Variants in CACNB4 observed in about 807,000 individuals in gnomAD.
CACNB4 encodes calcium voltage-gated channel auxiliary subunit beta 4.
CACNB4 carries 32 observed loss-of-function variants against 71.2 expected under a neutral mutation model. The ratio of observed to expected loss-of-function variants is 0.45; its 90% CI spans 0.34 to 0.60. The LOEUF is 0.60. CACNB4 is among the 20% of genes least tolerant of loss of function. The pLI is 0.01. For missense variants in CACNB4, 464 were observed against 647.9 expected (o/e 0.72, Z 3.08); for synonymous variants, 231 against 236.9 (o/e 0.97, Z 0.23).
At chr2:151,870,728 C>T in intron 7 of CACNB4, 114 bp downstream of exon 7, 1 of 1,213,034 alleles carries the variant, frequency 8.2e-7, no homozygotes, top group Non-Finnish European at 1.2e-6. Flanking sequence ...TCAAAGTCCC[C>T]ACCGAGGAGG....
chr2:151,878,445 T>C (rs1274470107), intron 4 of CACNB4, among the ~76,000 whole-genome samples: 1 of 152,006 alleles, frequency 6.6e-6, no homozygotes, highest in Non-Finnish European at 1.5e-5. Flanking sequence ...GGGCTGGCCA[T>C]GGTGGCACAT....
chr2:151,873,230 A>G (rs1326106529), intron 5 of CACNB4: 2 of 152,246 alleles, frequency 1.3e-5, no homozygotes, highest in East Asian at 3.8e-4. Flanking sequence ...ATTGAGTCAT[A>G]TACTAGTAGG....
At chr2:151,875,868 G>A (rs1273741126) in intron 5 of CACNB4, among the ~76,000 whole-genome samples, 1 of 143,256 alleles carries the variant, frequency 7.0e-6, no homozygotes, top group Admixed American at 6.8e-5. Flanking sequence ...TCTCCCTCCC[G>A]GACGGGGCGG....
At chr2:151,874,282 A>G (rs544783394) in intron 5 of CACNB4, 1 of 152,274 alleles carries the variant, frequency 6.6e-6, no homozygotes, top group African/African-American at 2.4e-5. Context: ...AGCCTGACCA[A>G]TATGATGAAA....
chr2:151,878,581 AGTT>A (rs879479454), intron 4 of CACNB4, among the ~76,000 whole-genome samples: 8,278 of 151,160 alleles, frequency 0.055, 358 homozygotes, highest in Non-Finnish European at 0.082. Context: ...ACACACACAC[AGTT>A]AGCTGGGTAT....
chr2:152,094,367 T>A (rs1227906820), intron 2 of CACNB4, among the ~76,000 whole-genome samples: 1 of 152,164 alleles, frequency 6.6e-6, no homozygotes, highest in South Asian at 2.1e-4. Context: ...AGCTAAGAGA[T>A]CATGGCTCAA....
intron 2 of CACNB4, among the ~76,000 whole-genome samples, chr2:151,994,690 T>C (rs562859160): frequency 1.2e-4 from 19 of 152,338 alleles, no homozygotes; most frequent in African/African-American, 4.6e-4. Flanking sequence ...CCTCATAGGC[T>C]CCTTAAGCAA....
At chr2:151,864,214 C>A (rs2099842505) in intron 9 of CACNB4, among the ~76,000 whole-genome samples, 1 of 152,140 alleles carries the variant, frequency 6.6e-6, no homozygotes, top group Non-Finnish European at 1.5e-5. Flanking sequence ...GACTTGCTGG[C>A]CAGTAGGTAA....
Position 152,098,246 on chromosome 2 carries a change from C to T in CACNB4, c.147+84G>A, listed in dbSNP as rs974654791. 1.8e-6 allele frequency: 2 copies of T among 1,089,132 alleles called. No homozygotes were observed. Among genetic ancestry groups the T allele is most frequent in the Non-Finnish European group, 2.8e-6 (2 of 711,956 alleles). 67.5% of individuals were successfully genotyped at this position (1,089,132 alleles called of 1,614,324 possible). A position where few individuals can be genotyped will look rare whatever the true frequency, so the allele number is the denominator to read the frequency against. On this transcript the variant is annotated intron_variant, in intron 2 of 13. Coordinates refer to ENST00000539935, the MANE Select transcript of CACNB4 (RefSeq NM_000726.5). The surrounding 1 kb of genome is among the most constrained non-coding windows in gnomAD (Gnocchi z 5.3). ...GCGGGCTTGACCCGCAGCTCCCGCA[C>T]GTGTGGGCCACGGCCGGCTCCAGGA... is the stretch of plus-strand genomic sequence containing the variant.
At chr2:152,035,551 C>T (rs1326285029) in intron 2 of CACNB4, among the ~76,000 whole-genome samples, 2 of 151,964 alleles carry the variant, frequency 1.3e-5, no homozygotes, top group East Asian at 1.9e-4. Flanking sequence ...CAGAGCGAAA[C>T]TCCGTCTCTC....
intron 2 of CACNB4, among the ~76,000 whole-genome samples, chr2:152,042,774 G>A (rs777274479): frequency 5.9e-5 from 9 of 152,022 alleles, no homozygotes; most frequent in African/African-American, 1.4e-4. Context: ...AAATAAGGCC[G>A]AGACCTACTG....
intron 2 of CACNB4, among the ~76,000 whole-genome samples, chr2:152,029,883 C>T (rs6758996): frequency 0.44 from 67,410 of 152,140 alleles, 17,223 homozygotes; most frequent in Non-Finnish European, 0.59. Flanking sequence ...ACCTTGATCT[C>T]GGACTTCCCA....
chr2:151,998,315 CAAAAAAA>C (rs70974815), intron 2 of CACNB4, among the ~76,000 whole-genome samples: 12 of 110,720 alleles, frequency 1.1e-4, no homozygotes, highest in African/African-American at 4.0e-4. Context: ...ACTCCATCTC[CAAAAAAA>C]AAAAAAAAAA....
At chr2:151,951,650 A>G (rs1201700034) in intron 2 of CACNB4, among the ~76,000 whole-genome samples, 1 of 152,220 alleles carries the variant, frequency 6.6e-6, no homozygotes, top group Admixed American at 6.5e-5. Context: ...CTTAGCTCCC[A>G]TCACAGAGGC....
At chr2:151,887,868 AC>A (rs1332034541) in intron 2 of CACNB4, among the ~76,000 whole-genome samples, 3 of 152,258 alleles carry the variant, frequency 2.0e-5, no homozygotes, top group Admixed American at 1.3e-4. Flanking sequence ...TTAAACTTTG[AC>A]CCACTAATTA....
At chr2:151,840,336 A>G (rs1350704913) in intron 13 of CACNB4, among the ~76,000 whole-genome samples, 1 of 152,248 alleles carries the variant, frequency 6.6e-6, no homozygotes, top group Non-Finnish European at 1.5e-5. Flanking sequence ...TAGGCCACAG[A>G]ATAAAGGGCA....
intron 2 of CACNB4, among the ~76,000 whole-genome samples, chr2:152,001,089 A>T (rs1333722898): frequency 6.6e-6 from 1 of 152,184 alleles, no homozygotes; most frequent in Admixed American, 6.5e-5. Flanking sequence ...TACCATTAGG[A>T]TTTCCATTTT....
intron 12 of CACNB4, among the ~76,000 whole-genome samples, chr2:151,843,223 CAT>C: frequency 6.6e-6 from 1 of 152,212 alleles, no homozygotes; most frequent in East Asian, 1.9e-4. Flanking sequence ...ATACCCCAGA[CAT>C]ATACTCTTCA....
chr2:151,918,973 G>C (rs2099858238), intron 2 of CACNB4, among the ~76,000 whole-genome samples: 1 of 152,182 alleles, frequency 6.6e-6, no homozygotes, highest in Non-Finnish European at 1.5e-5. Flanking sequence ...TAGGAGGGCT[G>C]AATGAATCCC....
Sources: gnomAD v4.1 joint callset for allele counts (sites outside exome capture counted in the v4.1 genomes callset) on GRCh38, gnomAD v4.1.1 for gene constraint, Gnocchi (gnomAD v3.1) non-coding constraint, MANE v1.5 for transcripts, NCBI Gene and HGNC (gene_info 2026-07-23, HGNC 2026-07-21) for gene names.